Variants in RBMS1 observed in about 807,000 individuals in gnomAD.
RBMS1 encodes the protein RNA-binding motif, single-stranded-interacting protein 1.
In RBMS1, 17 loss-of-function variants were observed where a neutral mutation model predicts 62.3. The observed-to-expected ratio is 0.27, with a 90% confidence interval of 0.19 to 0.41. RBMS1 has a LOEUF of 0.41. Ranked by LOEUF, RBMS1 falls within the 10% of genes least tolerant of loss-of-function variation. The pLI is 1.00. For missense variants in RBMS1, 334 were observed against 504.5 expected (o/e 0.66, Z 3.24); for synonymous variants, 172 against 170.0 (o/e 1.01, Z -0.09).
chr2:160,287,365 T>C (rs1461839274), intron 6 of RBMS1, among the ~76,000 whole-genome samples: 3 of 152,176 alleles, frequency 2.0e-5, no homozygotes, highest in Non-Finnish European at 4.4e-5. Context: ...ACATTTCTTT[T>C]GGTTTTGGGC....
At chr2:160,388,049 T>C (rs939229393) in intron 1 of RBMS1, among the ~76,000 whole-genome samples, 2 of 152,298 alleles carry the variant, frequency 1.3e-5, no homozygotes, top group African/African-American at 2.4e-5. Context: ...CCAACTAACA[T>C]GTGCTGTTAG....
At chr2:160,333,985 C>T (rs531520777) in intron 2 of RBMS1, among the ~76,000 whole-genome samples, 117 of 152,086 alleles carry the variant, frequency 7.7e-4, no homozygotes, top group Middle Eastern at 3.4e-3. Flanking sequence ...ATGAGTGGTA[C>T]AGCACTTATT....
rs1685971283 is a variant in RBMS1, at chr2:160,493,646, T to C, written c.-283A>G. The C allele has an allele frequency of 6.1e-6, 3 of 494,940 alleles. No individual in the cohort carries two copies. In the South Asian group the frequency reaches 6.6e-5, roughly 11 times the overall value. The allele number at this position is 494,940 out of a possible 1,614,324, so 30.7% of individuals were successfully genotyped here. A position where few individuals can be genotyped will look rare whatever the true frequency, so the allele number is the denominator to read the frequency against. On this transcript the variant is annotated 5_prime_UTR_variant, in exon 1 of 14. Coordinates refer to ENST00000348849, the MANE Select transcript of RBMS1 (RefSeq NM_016836.4). The stretch of plus-strand genomic sequence containing the variant: ...GCAGAGGGCACCCCGGACAGGGCGC[T>C]CCCAAGGAGTTTCCTCCCGGAGCCC...
intron 6 of RBMS1, among the ~76,000 whole-genome samples, chr2:160,287,821 A>T (rs1203609479): frequency 6.6e-6 from 1 of 152,020 alleles, no homozygotes; most frequent in Non-Finnish European, 1.5e-5. Flanking sequence ...TGTCCACCCT[A>T]TTTAAAGGTT....
At chr2:160,280,681 A>AC (rs1688059186) in intron 10 of RBMS1, among the ~76,000 whole-genome samples, 1 of 152,190 alleles carries the variant, frequency 6.6e-6, no homozygotes, top group East Asian at 1.9e-4. Flanking sequence ...ATTGTGTTGG[A>AC]CATCCTTAGC....
chr2:160,377,899 C>T (rs1164462116), intron 1 of RBMS1, among the ~76,000 whole-genome samples: 1 of 152,230 alleles, frequency 6.6e-6, no homozygotes, highest in Non-Finnish European at 1.5e-5. Flanking sequence ...AGTCCCGACA[C>T]TGCTGTCATA....
At chr2:160,356,897 A>G (rs1173269830) in intron 2 of RBMS1, among the ~76,000 whole-genome samples, 2 of 152,128 alleles carry the variant, frequency 1.3e-5, no homozygotes, top group Non-Finnish European at 2.9e-5. Context: ...GCATTAGACA[A>G]TTTTTGGCTG....
In RBMS1 at chr2:160,277,307, A is replaced by T; in HGVS notation, c.1139T>A (p.Val380Asp). 6.2e-7 allele frequency: 1 copy of T among 1,610,178 alleles called. No individual in the cohort carries two copies. Among genetic ancestry groups the T allele is most frequent in the Middle Eastern group, 1.7e-4 (1 of 6,048 alleles). Residue 380 changes from valine (V) to aspartate (D), a missense_variant, in exon 12 of 14, where the codon GTT becomes GAT. Coordinates refer to ENST00000348849, the MANE Select transcript of RBMS1 (RefSeq NM_016836.4). Reference protein sequence around the residue: ...YAHMQTTAVPVEEASGQQQVA... With the variant: ...YAHMQTTAVPDEEASGQQQVA... ...CACTGGATGGTCTCTACCAACCTCAACAGGAACCGCTGTCGTCTGCATATG... is the reference window on the plus strand; with the variant it reads ...CACTGGATGGTCTCTACCAACCTCATCAGGAACCGCTGTCGTCTGCATATG...
intron 2 of RBMS1, among the ~76,000 whole-genome samples, chr2:160,333,184 G>A (rs1423614573): frequency 6.6e-6 from 1 of 151,886 alleles, no homozygotes; most frequent in African/African-American, 2.4e-5. Context: ...TCGAGTTGAG[G>A]GAAAGGCAGG....
At chr2:160,312,899 A>G (rs527831348) in intron 4 of RBMS1, among the ~76,000 whole-genome samples, 1 of 152,186 alleles carries the variant, frequency 6.6e-6, no homozygotes, top group Admixed American at 6.5e-5. Flanking sequence ...CTATTTCTCA[A>G]TTTACTTATG....
At chr2:160,374,631 T>C (rs961850533) in intron 1 of RBMS1, among the ~76,000 whole-genome samples, 1 of 152,024 alleles carries the variant, frequency 6.6e-6, no homozygotes, top group Non-Finnish European at 1.5e-5. Context: ...TTTATAACAA[T>C]AATAATAAAA....
At chr2:160,277,450 A>G (rs1397298780) in intron 11 of RBMS1, 67 bp from the exon 12 acceptor site, 29 of 1,164,680 alleles carry the variant, frequency 2.5e-5, no homozygotes, top group Non-Finnish European at 3.8e-5. Context: ...ACGTGGGGGG[A>G]TTGTGAGATG....
Position 160,281,315 on chromosome 2 carries a change from G to C in RBMS1, c.950C>G (p.Pro317Arg), listed in dbSNP as rs761125542. 1 of 1,599,732 alleles carries C rather than the reference G, an allele frequency of 6.3e-7. No individual in the cohort carries two copies. The highest frequency in any genetic ancestry group is 8.5e-7 in the Non-Finnish European group (1 of 1,172,048). Residue 317 changes from proline to arginine, a missense_variant and splice_region_variant, in exon 10 of 14, where the codon CCT becomes CGT. Transcript: ENST00000348849. ...MQPQPYILQH[P>R]GAVLTPSMEH... Reference sequence around the variant, plus strand: ...AAGTCATTAAGATAAAAAACTTACAGGGTGCTGTAGAATATATGGTTGAGG... The same window carrying C: ...AAGTCATTAAGATAAAAAACTTACACGGTGCTGTAGAATATATGGTTGAGG...
chr2:160,395,676 A>G (rs1006702587), intron 1 of RBMS1, among the ~76,000 whole-genome samples: 3 of 152,106 alleles, frequency 2.0e-5, no homozygotes, highest in African/African-American at 7.2e-5. Flanking sequence ...AAATGCTCAC[A>G]TAATAGTCGA....
intron 1 of RBMS1, among the ~76,000 whole-genome samples, chr2:160,397,231 C>T (rs541245096): frequency 2.2e-4 from 33 of 152,068 alleles, no homozygotes; most frequent in African/African-American, 7.5e-4. Flanking sequence ...GAGCATTATT[C>T]CAAATCTTTT....
At chr2:160,376,340 A>T (rs938627802) in intron 1 of RBMS1, among the ~76,000 whole-genome samples, 5 of 152,200 alleles carry the variant, frequency 3.3e-5, no homozygotes, top group Admixed American at 1.3e-4. Context: ...GCCCCTAGAG[A>T]AAAAAGCATT....
chr2:160,425,508 T>C (rs539945574), intron 1 of RBMS1, among the ~76,000 whole-genome samples: 1 of 152,142 alleles, frequency 6.6e-6, no homozygotes, highest in Non-Finnish European at 1.5e-5. Context: ...TTATATAAGG[T>C]AGCTGAGGGG....
At chr2:160,383,625 C>T (rs1159824823) in intron 1 of RBMS1, among the ~76,000 whole-genome samples, 1 of 152,154 alleles carries the variant, frequency 6.6e-6, no homozygotes, top group African/African-American at 2.4e-5. Context: ...TCTCAAACCT[C>T]TATCATTTAT....
intron 1 of RBMS1, among the ~76,000 whole-genome samples, chr2:160,445,171 A>G (rs1407272973): frequency 2.6e-5 from 4 of 152,240 alleles, no homozygotes; most frequent in African/African-American, 9.6e-5. Flanking sequence ...AGCAACTGAG[A>G]AACTGAAACC....
Sources: gnomAD v4.1 joint callset for allele counts (sites outside exome capture counted in the v4.1 genomes callset) on GRCh38, gnomAD v4.1.1 for gene constraint, MANE v1.5 for transcripts, NCBI Gene and HGNC (gene_info 2026-07-23, HGNC 2026-07-21) for gene names.